KLHDC8A: variants seen among roughly 807,000 people sequenced by gnomAD.
The protein encoded by KLHDC8A is kelch domain containing 8A, also known as kelch domain-containing protein 8A.
Under a neutral mutation model 33.1 loss-of-function variants are expected in KLHDC8A, and 21 were observed. The observed-to-expected ratio is 0.64, with a 90% CI of 0.45 to 0.91. The LOEUF (loss-of-function observed/expected upper bound fraction) is 0.91, where lower values mean the gene tolerates loss of function less well. Ranked by LOEUF, KLHDC8A falls within the 40% of genes least tolerant of loss-of-function variation. The pLI is 0.00. For missense variants in KLHDC8A, 435 were observed against 483.3 expected (o/e 0.90, Z 0.94); for synonymous variants, 173 against 193.5 (o/e 0.89, Z 0.88).
At chr1:205,350,721 C>T (rs2102297782) in intron 1 of KLHDC8A, among the ~76,000 whole-genome samples, 1 of 152,342 alleles carries the variant, frequency 6.6e-6, no homozygotes, top group South Asian at 2.1e-4. Flanking sequence ...CACACCAGCC[C>T]TGCTGCTTCC....
At position 205,336,785 on chromosome 1, in the gene KLHDC8A, G is replaced by C. The variant is rs1187201810; in HGVS notation, c.*614C>G. 4 of 153,298 alleles carry C rather than the reference G, an allele frequency of 2.6e-5. No homozygotes were observed. The highest frequency in any genetic ancestry group is 5.8e-5 in the Non-Finnish European group (4 of 68,760). The allele number at this position is 153,298 out of a possible 1,614,324, so 9.5% of individuals were successfully genotyped here. On this transcript the variant is annotated 3_prime_UTR_variant, in exon 6 of 6. Transcript: ENST00000367155. ...TGCCCATCAAGGACCCCAAGAGGAAGGGATTCTTCCTGCCATGGCCTGGGC... is the reference window on the plus strand; with the variant it reads ...TGCCCATCAAGGACCCCAAGAGGAACGGATTCTTCCTGCCATGGCCTGGGC...
rs778433451 is a variant in KLHDC8A, at chr1:205,337,431, C to A, written c.1021G>T (p.Ala341Ser). 2 of 1,613,642 alleles carry A rather than the reference C, an allele frequency of 1.2e-6. No individual in the cohort carries two copies. Among genetic ancestry groups the A allele is most frequent in the South Asian group, 2.2e-5 (2 of 91,050 alleles). ...VGGVNQGLSDAVEALCVSDS is the reference protein window; with the variant it reads ...VGGVNQGLSDSVEALCVSDS ...TCAGAGACACACAGGGCCTCCACTG[C>A]GTCACTCAGACCCTGGTTGACACCT... The change falls in exon 6 of 6, where the codon GCA becomes TCA. Residue 341 changes from alanine to serine, a missense_variant. By Grantham distance (99) the Ala-to-Ser change is moderately conservative. Transcript: ENST00000367155.
chr1:205,356,330 G>A (rs2298251), intron 1 of KLHDC8A, among the ~76,000 whole-genome samples: 33,362 of 152,010 alleles, frequency 0.22, 4,077 homozygotes, highest in East Asian at 0.51. Flanking sequence ...AAAACCAGAT[G>A]GGAAGGAACC....
chr1:205,351,286 G>A (rs1220718784), intron 1 of KLHDC8A: 2 of 855,926 alleles, frequency 2.3e-6, no homozygotes, highest in African/African-American at 1.6e-5. Flanking sequence ...AAAATTTATG[G>A]ACAAGAAGTT....
intron 1 of KLHDC8A, among the ~76,000 whole-genome samples, chr1:205,353,676 C>T (rs577784703): frequency 3.9e-5 from 6 of 152,258 alleles, no homozygotes; most frequent in Admixed American, 6.5e-5. Context: ...ACTATAGACA[C>T]GCACCACTCC....
At chr1:205,338,043 C>G (rs1319584221) in intron 5 of KLHDC8A, among the ~76,000 whole-genome samples, 1 of 152,186 alleles carries the variant, frequency 6.6e-6, no homozygotes, top group African/African-American at 2.4e-5. Flanking sequence ...CTTCAAAATA[C>G]TAGTAATCTC....
chr1:205,348,149 C>T lies in KLHDC8A; in HGVS notation c.-189-4356G>A, dbSNP rs143648366. 9.2e-4 allele frequency among the ~76,000 whole-genome samples: 140 copies of T among 152,212 alleles called. 2 individuals carry two copies. In the East Asian group the frequency reaches 0.024, roughly 26 times the overall value. On this transcript the variant is annotated intron_variant, in intron 1 of 5. Transcript: ENST00000367155. ...GGCATTCAGCAGGATCCTGCCTTCA[C>T]TAAACTGCGGTACCTTAGGGGGAAG...
intron 1 of KLHDC8A, among the ~76,000 whole-genome samples, chr1:205,346,962 T>C (rs1287632216): frequency 6.6e-6 from 1 of 152,190 alleles, no homozygotes; most frequent in Non-Finnish European, 1.5e-5. Flanking sequence ...CTAAGGCTCA[T>C]ATCCTACAGG....
chr1:205,350,248 G>T (rs1216434622), intron 1 of KLHDC8A, among the ~76,000 whole-genome samples: 2 of 151,846 alleles, frequency 1.3e-5, no homozygotes, highest in African/African-American at 4.9e-5. Flanking sequence ...AGGACAAGGG[G>T]GTGCCTTGTG....
chr1:205,343,211 A>C lies in KLHDC8A; in HGVS notation c.376+18T>G, dbSNP rs1260985832. 6.4e-7 allele frequency: 1 copy of C among 1,561,772 alleles called. No homozygotes were observed. On this transcript the variant is annotated intron_variant, in intron 2 of 5. Transcript: ENST00000367155. ...CACTTCCTTCTCTCTGGCCGCCCTC[A>C]GCCCTGGCCCCACTTGCCTTTGGCC...
At chr1:205,351,600 GTCAA>G (rs750227227) in intron 1 of KLHDC8A, 1 of 82,244 alleles carries the variant, frequency 1.2e-5, no homozygotes, top group South Asian at 1.1e-4. Flanking sequence ...TTCTGTAATA[GTCAA>G]AAAAAAAAAA....
chr1:205,351,629 G>C (rs1217775536), intron 1 of KLHDC8A, among the ~76,000 whole-genome samples: 1 of 148,666 alleles, frequency 6.7e-6, no homozygotes, highest in Non-Finnish European at 1.5e-5. Flanking sequence ...AAAAGAGGAG[G>C]CTTTCTTGGC....
At chr1:205,351,100 G>A in intron 1 of KLHDC8A, 1 of 610,230 alleles carries the variant, frequency 1.6e-6, no homozygotes, top group Non-Finnish European at 3.0e-6. Context: ...CCCCACCCAG[G>A]AGAGAAGGGT....
chr1:205,353,846 A>G (rs2864861), intron 1 of KLHDC8A, among the ~76,000 whole-genome samples: 34,520 of 152,174 alleles, frequency 0.23, 4,344 homozygotes, highest in East Asian at 0.52. Flanking sequence ...CTCTACAACA[A>G]CCTTGAGAGA....
intron 1 of KLHDC8A, chr1:205,344,608 C>G (rs1662896078): frequency 6.6e-6 from 1 of 152,238 alleles, no homozygotes; most frequent in Admixed American, 6.5e-5. Context: ...TACACAGACT[C>G]AGCTCGTGAC....
intron 1 of KLHDC8A, among the ~76,000 whole-genome samples, chr1:205,344,730 A>G (rs973085590): frequency 6.6e-5 from 10 of 152,128 alleles, no homozygotes; most frequent in Non-Finnish European, 1.2e-4. Context: ...GGTACTTTCA[A>G]ATATAACATA....
At chr1:205,348,739 C>T (rs758770045) in intron 1 of KLHDC8A, 2 of 152,216 alleles carry the variant, frequency 1.3e-5, no homozygotes, top group Non-Finnish European at 2.9e-5. Context: ...CTCTGACTTT[C>T]AGGCTAGTGT....
intron 1 of KLHDC8A, among the ~76,000 whole-genome samples, chr1:205,353,913 C>A (rs1232517603): frequency 6.6e-6 from 1 of 152,206 alleles, no homozygotes; most frequent in East Asian, 1.9e-4. Flanking sequence ...TTAGGAAACT[C>A]ACCAAAGCTA....
Position 205,356,819 on chromosome 1 carries a change from G to C in KLHDC8A, c.-476C>G, listed in dbSNP as rs545030093. 196 of 297,830 alleles carry C rather than the reference G, an allele frequency of 6.6e-4. No individual in the cohort carries two copies. The highest frequency in any genetic ancestry group is 3.9e-3 in the Middle Eastern group (3 of 774). 18.4% of individuals were successfully genotyped at this position (297,830 alleles called of 1,614,324 possible). On this transcript the variant is annotated 5_prime_UTR_variant, in exon 1 of 6. Transcript: ENST00000367155. ...GAAACTTGGGGTCCCTGAGTTCCAG[G>C]AGGCGTGACCCCCCTACTGAGAGGG...
Sources: gnomAD v4.1 joint callset for allele counts (sites outside exome capture counted in the v4.1 genomes callset) on GRCh38, gnomAD v4.1.1 for gene constraint, MANE v1.5 for transcripts, NCBI Gene and HGNC (gene_info 2026-07-23, HGNC 2026-07-21) for gene names.